Variants in ZNF438 observed in about 807,000 individuals in gnomAD.
The protein encoded by ZNF438 is zinc finger protein 438.
A neutral mutation model predicts 38.0 loss-of-function variants in ZNF438; 25 were observed. That is an observed-to-expected ratio of 0.66 (90% confidence interval 0.48 to 0.92). The LOEUF (loss-of-function observed/expected upper bound fraction) is 0.92. Ranked by LOEUF, ZNF438 falls within the 40% of genes least tolerant of loss-of-function variation. The pLI is 0.00. For missense variants in ZNF438, 1,007 were observed against 999.6 expected, an observed-to-expected ratio of 1.01 and a Z score of -0.10; for synonymous variants, 372 against 364.1, an observed-to-expected ratio of 1.02 and a Z score of -0.25.
intron 3 of ZNF438, among the ~76,000 whole-genome samples, chr10:30,893,118 C>T (rs542719391): frequency 6.6e-6 from 1 of 152,326 alleles, no homozygotes; most frequent in South Asian, 2.1e-4. Flanking sequence ...ACTGATTTAT[C>T]TAACAACGCA....
At chr10:31,011,476 G>A (rs2055695465) in intron 1 of ZNF438, among the ~76,000 whole-genome samples, 1 of 152,206 alleles carries the variant, frequency 6.6e-6, no homozygotes, top group South Asian at 2.1e-4. Context: ...ACAACAATGT[G>A]CATCAGATAT....
chr10:31,028,922 C>T lies in ZNF438; in HGVS notation c.-192+2911G>A, dbSNP rs79875332. ...GTAATCAAAGACCAGTTAGCACAGTCCCACTGCCTATAATCTTTCTCCCAC... is the reference window on the plus strand; with the variant it reads ...GTAATCAAAGACCAGTTAGCACAGTTCCACTGCCTATAATCTTTCTCCCAC... On this transcript the variant is annotated intron_variant, in intron 1 of 5. Coordinates refer to ENST00000413025, the Ensembl canonical transcript of ZNF438. Among the ~76,000 whole-genome samples the T allele has an allele frequency of 1.0e-3, 158 of 152,312 alleles. 1 individual carries two copies. The East Asian group carries it at 0.027, about 26-fold the overall frequency.
intron 1 of ZNF438, among the ~76,000 whole-genome samples, chr10:30,993,927 T>C (rs2053782305): frequency 6.6e-6 from 1 of 152,256 alleles, no homozygotes; most frequent in Admixed American, 6.5e-5. Flanking sequence ...AGCTGTAAGA[T>C]GTAATGCTGT....
intron 3 of ZNF438, among the ~76,000 whole-genome samples, chr10:30,895,087 G>A (rs1283610126): frequency 6.6e-6 from 1 of 152,162 alleles, no homozygotes; most frequent in Admixed American, 6.5e-5. Context: ...AGGCCCTAGA[G>A]GACCATTTTT....
At chr10:30,878,087 A>G (rs2038700069) in intron 3 of ZNF438, among the ~76,000 whole-genome samples, 2 of 152,202 alleles carry the variant, frequency 1.3e-5, no homozygotes, top group African/African-American at 4.8e-5. Context: ...CTAGGCAGAC[A>G]GGGGCGGGTC....
intron 1 of ZNF438, among the ~76,000 whole-genome samples, chr10:31,020,442 G>C (rs923284657): frequency 6.6e-6 from 1 of 152,146 alleles, no homozygotes. Context: ...ACATTGCTTG[G>C]TGATTGGATA....
At chr10:30,899,293 T>G (rs538710869) in intron 3 of ZNF438, among the ~76,000 whole-genome samples, 1 of 152,312 alleles carries the variant, frequency 6.6e-6, no homozygotes, top group Admixed American at 6.5e-5. Context: ...AAATAAAGAT[T>G]ATATAACTAA....
intron 3 of ZNF438, among the ~76,000 whole-genome samples, chr10:30,904,408 G>C (rs914730126): frequency 6.6e-6 from 1 of 152,170 alleles, no homozygotes; most frequent in South Asian, 2.1e-4. Context: ...AAAGCCTTCA[G>C]ATATGTCCCC....
chr10:30,906,660 C>T (rs1228140242), intron 3 of ZNF438, among the ~76,000 whole-genome samples: 1 of 152,180 alleles, frequency 6.6e-6, no homozygotes, highest in African/African-American at 2.4e-5. Flanking sequence ...TTAGAGGGCA[C>T]ACTTTCAGTT....
chr10:30,950,157 A>C (rs1212278605), intron 1 of ZNF438, among the ~76,000 whole-genome samples: 2 of 150,724 alleles, frequency 1.3e-5, no homozygotes, highest in Middle Eastern at 3.4e-3. Flanking sequence ...TACTGGGTAC[A>C]TAACGAAATG....
chr10:31,023,274 G>A (rs753091110), intron 1 of ZNF438, among the ~76,000 whole-genome samples: 8 of 151,814 alleles, frequency 5.3e-5, no homozygotes, highest in South Asian at 2.1e-4. Flanking sequence ...TCTATAATTC[G>A]GCATCTATCA....
intron 1 of ZNF438, among the ~76,000 whole-genome samples, chr10:30,942,484 T>C (rs2046918764): frequency 6.6e-6 from 1 of 152,198 alleles, no homozygotes; most frequent in Admixed American, 6.5e-5. Context: ...TAAAATTCTC[T>C]GAAATATACT....
intron 1 of ZNF438, among the ~76,000 whole-genome samples, chr10:30,942,518 G>A (rs1436507457): frequency 6.6e-6 from 1 of 152,156 alleles, no homozygotes; most frequent in Non-Finnish European, 1.5e-5. Context: ...CAGAATAACA[G>A]CCTAAACAAT....
chr10:30,886,891 A>C (rs968708905), intron 3 of ZNF438, among the ~76,000 whole-genome samples: 7 of 152,214 alleles, frequency 4.6e-5, no homozygotes, highest in Admixed American at 3.9e-4. Context: ...AGCTTTGACA[A>C]ATGTATATAC....
chr10:31,023,342 C>T (rs2056735460), intron 1 of ZNF438, among the ~76,000 whole-genome samples: 1 of 152,074 alleles, frequency 6.6e-6, no homozygotes, highest in South Asian at 2.1e-4. Context: ...AAAAAATAGA[C>T]ATAACCTTCA....
chr10:30,973,182 A>C (rs1277664392), intron 1 of ZNF438, among the ~76,000 whole-genome samples: 1 of 152,192 alleles, frequency 6.6e-6, no homozygotes, highest in African/African-American at 2.4e-5. Flanking sequence ...GCCTCACTCT[A>C]ATCTCAGAAC....
intron 1 of ZNF438, among the ~76,000 whole-genome samples, chr10:31,003,291 A>G (rs1372002515): frequency 6.6e-6 from 1 of 152,126 alleles, no homozygotes; most frequent in African/African-American, 2.4e-5. Context: ...CAATTGTTCT[A>G]TCTACCCTGC....
Position 30,901,304 on chromosome 10 carries a change from T to G in ZNF438, c.-32+7629A>C, listed in dbSNP as rs73249066. 2.4e-3 allele frequency among the ~76,000 whole-genome samples: 367 copies of G among 152,360 alleles called. 5 individuals carry two copies. Among genetic ancestry groups the G allele is most frequent in the African/African-American group, 8.2e-3 (343 of 41,582 alleles). ...AAATTTATTTCAGTGTAGCATTAAG[T>G]TGCCAATGTGGCTTTGTGTCCGGAA... On this transcript the variant is annotated intron_variant, in intron 3 of 5. Transcript: ENST00000413025.
chr10:30,956,147 A>G (rs953094327), intron 1 of ZNF438, among the ~76,000 whole-genome samples: 2 of 152,192 alleles, frequency 1.3e-5, no homozygotes, highest in Non-Finnish European at 2.9e-5. Context: ...TCACTTTCTC[A>G]TGATTGAAGC....
Sources: gnomAD v4.1 joint callset for allele counts (sites outside exome capture counted in the v4.1 genomes callset) on GRCh38, gnomAD v4.1.1 for gene constraint, MANE v1.5 for transcripts, NCBI Gene and HGNC (gene_info 2026-07-23, HGNC 2026-07-21) for gene names.